The following ATP1A2 variants were observed in gnomAD, a reference collection of about 807,000 sequenced individuals.
ATP1A2 encodes sodium/potassium-transporting ATPase subunit alpha-2.
ATP1A2 carries 56 observed loss-of-function variants against 113.1 expected under a neutral mutation model. The ratio of observed to expected loss-of-function variants is 0.49; its 90% confidence interval spans 0.40 to 0.62. The LOEUF is 0.62. Ranked by LOEUF, ATP1A2 falls within the 20% of genes least tolerant of loss-of-function variation. ATP1A2 has a pLI of 0.00. For synonymous variants in ATP1A2, 490 were observed against 526.8 expected (o/e 0.93, Z 0.96); for missense variants, 712 against 1,357.8 (o/e 0.52, Z 7.47).
rs1476316736 is a variant in ATP1A2 at position 160,127,646 on chromosome 1, C to A, written c.843C>A (p.Pro281=). 1 of 1,614,240 alleles carries A rather than the reference C, an allele frequency of 6.2e-7. No homozygotes were observed. Among genetic ancestry groups the A allele is most frequent in the Non-Finnish European group, 8.5e-7 (1 of 1,180,038 alleles). ...LASGLEVGRT[P]IAMEIEHFIQ... ...CAGGCCTGGAGGTTGGGCGGACACC[C>A]ATAGCAATGGAGATTGAACACTTCA... is the stretch of plus-strand genomic sequence containing the variant. Residue 281 remains proline (P), a synonymous_variant, in exon 8 of 23, where the codon CCC becomes CCA. Transcript: ENST00000361216.
At chr1:160,124,116 A>T in intron 5 of ATP1A2, 60 bp downstream of exon 5, 1 of 1,595,400 alleles carries the variant, frequency 6.3e-7, no homozygotes, top group Non-Finnish European at 8.6e-7. Context: ...AGTCCAGCTC[A>T]TCTTTTGTCA....
intron 13 of ATP1A2, 131 bp downstream of exon 13, chr1:160,130,728 TC>T: frequency 7.6e-7 from 1 of 1,319,122 alleles, no homozygotes; most frequent in Non-Finnish European, 1.0e-6. Flanking sequence ...GAAGAAGCTG[TC>T]CATCTGCAAG....
chr1:160,130,445 T>C lies in ATP1A2; in HGVS notation c.1675T>C (p.Ser559Pro). ...VLGFCQLNLP[S>P]GKFPRGFKFD... ...AGGATTCTGTCAACTGAATCTGCCA[T>C]CTGGAAAGTTTCCTCGGGGCTTCAA... is the stretch of plus-strand genomic sequence containing the variant. Residue 559 changes from serine (S) to proline (P), a missense_variant, in exon 13 of 23, where the codon TCT becomes CCT. Physicochemically the swap from Ser to Pro is moderately conservative, Grantham distance 74. Around this residue, in one of 6 missense-constraint regions of ATP1A2, gnomAD observed 263 missense variants for 380.6 expected, o/e 0.69. Coordinates refer to ENST00000361216, the MANE Select transcript of ATP1A2 (RefSeq NM_000702.4). 1 of 1,614,224 alleles carries C rather than the reference T, an allele frequency of 6.2e-7. No individual in the cohort carries two copies. The highest frequency in any genetic ancestry group is 8.5e-7 in the Non-Finnish European group (1 of 1,180,036).
chr1:160,135,773 C>A lies in ATP1A2; in HGVS notation c.2285-66C>A. The stretch of plus-strand genomic sequence containing the variant: ...TCTCTTGGGAAGACAGGCAGCCATG[C>A]TTCAGGGGCTGGGGGTGGGGAAGAG... On this transcript the variant is annotated intron_variant, in intron 16 of 22. Transcript: ENST00000361216. This position sits in a 1 kb window ranked among gnomAD's most constrained non-coding sequence, Gnocchi z 6.3. 1 of 1,612,872 alleles carries A rather than the reference C, an allele frequency of 6.2e-7. No homozygotes were observed. The highest frequency in any genetic ancestry group is 1.3e-5 in the African/African-American group (1 of 75,006).
Position 160,135,832 on chromosome 1 carries a change from C to T in ATP1A2, c.2285-7C>T, listed in dbSNP as rs915777286. ...ACCTCCCTGATGCCCTCAGAATCTC[C>T]CCACAGGCCGCCTGATCTTTGACAA... On this transcript the variant is annotated splice_polypyrimidine_tract_variant and splice_region_variant and intron_variant, in intron 16 of 22. Coordinates refer to ENST00000361216, the MANE Select transcript of ATP1A2 (RefSeq NM_000702.4). This position sits in a 1 kb window ranked among gnomAD's most constrained non-coding sequence, Gnocchi z 6.3. 31 of 1,614,042 alleles carry T rather than the reference C, an allele frequency of 1.9e-5. No individual in the cohort carries two copies. The highest frequency in any genetic ancestry group is 2.4e-5 in the Non-Finnish European group (28 of 1,180,032).
chr1:160,126,825 T>C (rs906374993), intron 7 of ATP1A2, among the ~76,000 whole-genome samples: 1 of 152,204 alleles, frequency 6.6e-6, no homozygotes, highest in African/African-American at 2.4e-5. Context: ...TTCCCACAAT[T>C]GATTTATTCA....
At chr1:160,134,304 CAT>C (rs1442258842) in intron 13 of ATP1A2, among the ~76,000 whole-genome samples, 178 bp from the exon 14 acceptor site, 6 of 151,798 alleles carry the variant, frequency 4.0e-5, no homozygotes, top group East Asian at 1.9e-4. Flanking sequence ...CACACACACA[CAT>C]ACACCCCACC....
chr1:160,125,353 A>T, intron 7 of ATP1A2, 100 bp downstream of exon 7: 1 of 1,133,260 alleles, frequency 8.8e-7, no homozygotes, highest in African/African-American at 1.5e-5. Context: ...AAGCTCTGCC[A>T]TTGGTGGGGC....
intron 13 of ATP1A2, among the ~76,000 whole-genome samples, chr1:160,134,235 C>CCACACACACA (rs146388527): frequency 8.1e-6 from 1 of 122,888 alleles, no homozygotes; most frequent in Admixed American, 8.2e-5. Context: ...CAATCCCCAC[C>CCACACACACA]CACACACACA....
Position 160,130,301 on chromosome 1 carries a change from C to T in ATP1A2, c.1651+10C>T. On this transcript the variant is annotated intron_variant, in intron 12 of 22. Transcript: ENST00000361216. ...GGGGAGCGTGTGCTGGGTGAGAGGC[C>T]AGAAACAGGAGGCTCAGAAGGGGAT... 1 of 1,614,040 alleles carries T rather than the reference C, an allele frequency of 6.2e-7. No homozygotes were observed. The highest frequency in any genetic ancestry group is 1.1e-5 in the South Asian group (1 of 91,064).
In ATP1A2 at chr1:160,135,657, T is replaced by C; in HGVS notation, c.2284+55T>C. The C allele has an allele frequency of 6.2e-7, 1 of 1,612,410 alleles. No homozygotes were observed. The highest frequency in any genetic ancestry group is 8.5e-7 in the Non-Finnish European group (1 of 1,179,936). On this transcript the variant is annotated intron_variant, in intron 16 of 22. Transcript: ENST00000361216. The surrounding 1 kb of genome is among the most constrained non-coding windows in gnomAD (Gnocchi z 6.3). ...TGCAGGATACTGAAGCCGGCACCTCTGTTCCCTGTCCCTTTACCCCAGTTG... is the reference window on the plus strand; with the variant it reads ...TGCAGGATACTGAAGCCGGCACCTCCGTTCCCTGTCCCTTTACCCCAGTTG...
chr1:160,134,703 G>A, intron 14 of ATP1A2, 83 bp downstream of exon 14: 1 of 1,602,590 alleles, frequency 6.2e-7, no homozygotes, highest in Non-Finnish European at 8.5e-7. Flanking sequence ...GGGAGTATTT[G>A]GATAGCATTT....
intron 3 of ATP1A2, among the ~76,000 whole-genome samples, chr1:160,122,441 G>A (rs547274252): frequency 4.2e-5 from 6 of 142,636 alleles, no homozygotes; most frequent in South Asian, 2.3e-4. Context: ...AAAAAGAAAC[G>A]GTCCCTGCTT....
chr1:160,130,262 A>G lies in ATP1A2; in HGVS notation c.1622A>G (p.Glu541Gly). The G allele has an allele frequency of 6.2e-7, 1 of 1,614,080 alleles. No homozygotes were observed. Among genetic ancestry groups the G allele is most frequent in the Non-Finnish European group, 8.5e-7 (1 of 1,180,018 alleles). ...GATGCCTTTCAAAATGCCTACATGG[A>G]GCTGGGGGGACTTGGGGAGCGTGTG... is the stretch of plus-strand genomic sequence containing the variant. ...MQDAFQNAYM[E>G]LGGLGERVLG... The change falls in exon 12 of 23, where the codon GAG becomes GGG. Residue 541 changes from glutamate (E) to glycine (G), a missense_variant. Glu to Gly is a moderately conservative substitution (Grantham distance 98, BLOSUM62 -2). This residue lies in a region of ATP1A2 where 263 missense variants were observed against 380.6 expected (regional missense o/e 0.69). Coordinates refer to ENST00000361216, the MANE Select transcript of ATP1A2 (RefSeq NM_000702.4).
At chr1:160,129,903 C>G (rs1188525082) in intron 11 of ATP1A2, among the ~76,000 whole-genome samples, 199 bp from the exon 12 acceptor site, 1 of 152,144 alleles carries the variant, frequency 6.6e-6, no homozygotes, top group Non-Finnish European at 1.5e-5. Flanking sequence ...GAAAGACTGT[C>G]CTACGGAGGT....
chr1:160,131,581 TG>T, intron 13 of ATP1A2, among the ~76,000 whole-genome samples: 1 of 152,026 alleles, frequency 6.6e-6, no homozygotes, highest in East Asian at 1.9e-4. Flanking sequence ...CCCAGCACTT[TG>T]GGGGGGTCCA....
chr1:160,135,138 C>T lies in ATP1A2; in HGVS notation c.1965-7C>T. On this transcript the variant is annotated splice_region_variant and splice_polypyrimidine_tract_variant and intron_variant, in intron 14 of 22. Transcript: ENST00000361216. The surrounding 1 kb of genome is among the most constrained non-coding windows in gnomAD (Gnocchi z 6.3). The stretch of plus-strand genomic sequence containing the variant: ...GTCAGCTGTCTCTGTCCCCACCCAC[C>T]CTCCAGAGAAGCCAAGGCATGCGTG... 1 of 1,614,026 alleles carries T rather than the reference C, an allele frequency of 6.2e-7. No homozygotes were observed. The highest frequency in any genetic ancestry group is 8.5e-7 in the Non-Finnish European group (1 of 1,180,024).
rs766941886 is a variant in ATP1A2, at chr1:160,124,059, A to C, written c.495+3A>C. On this transcript the variant is annotated splice_donor_region_variant and intron_variant, in intron 5 of 22. Transcript: ENST00000361216. The stretch of plus-strand genomic sequence containing the variant: ...CCTTCAAGAACATGGTACCTCAGGT[A>C]AGATGGCAGGGCTGGGCTCTGGGCT... The C allele has an allele frequency of 6.2e-7, 1 of 1,613,976 alleles. No homozygotes were observed.
At chr1:160,129,194 A>G in intron 10 of ATP1A2, 72 bp from the exon 11 acceptor site, 1 of 1,611,946 alleles carries the variant, frequency 6.2e-7, no homozygotes, top group Non-Finnish European at 8.5e-7. Flanking sequence ...TGGGGGTTTC[A>G]GTGCCGCCTT....
Sources: gnomAD v4.1 joint callset for allele counts (sites outside exome capture counted in the v4.1 genomes callset) on GRCh38, gnomAD v4.1.1 for gene constraint, gnomAD v4.1.1 regional missense constraint, Gnocchi (gnomAD v3.1) non-coding constraint, MANE v1.5 for transcripts, NCBI Gene and HGNC (gene_info 2026-07-23, HGNC 2026-07-21) for gene names.